SLC2A13: variants seen among roughly 807,000 people sequenced by gnomAD.
SLC2A13 encodes solute carrier family 2 member 13.
Under a neutral mutation model 64.4 loss-of-function variants are expected in SLC2A13, and 32 were observed. The ratio of observed to expected loss-of-function variants is 0.50; its 90% CI spans 0.37 to 0.67. The LOEUF is 0.67. Ranked by LOEUF, SLC2A13 falls within the 30% of genes least tolerant of loss-of-function variation. The pLI is 0.00. For missense variants in SLC2A13, 743 were observed against 829.2 expected, an observed-to-expected ratio of 0.90 and a Z score of 1.28; for synonymous variants, 338 against 327.1, an observed-to-expected ratio of 1.03 and a Z score of -0.36.
chr12:39,949,098 C>T (rs532369269), intron 4 of SLC2A13, among the ~76,000 whole-genome samples: 166 of 152,230 alleles, frequency 1.1e-3, no homozygotes, highest in Non-Finnish European at 1.3e-4. Context: ...AACAGTATTA[C>T]AGTGTATCAT....
At chr12:39,983,255 G>A (rs1415149579) in intron 3 of SLC2A13, among the ~76,000 whole-genome samples, 1 of 134,676 alleles carries the variant, frequency 7.4e-6, no homozygotes, top group Non-Finnish European at 1.6e-5. Flanking sequence ...TACCATTCAG[G>A]ACATAGGCGT....
intron 4 of SLC2A13, among the ~76,000 whole-genome samples, chr12:39,888,495 G>C (rs979500529): frequency 2.0e-5 from 3 of 152,212 alleles, no homozygotes; most frequent in African/African-American, 7.2e-5. Context: ...AAAGTGTTGG[G>C]ATTACAGGCT....
At position 39,983,050 on chromosome 12, in the gene SLC2A13, C is replaced by T. The variant is rs1263100049; in HGVS notation, c.926-31685G>A. ...ATACCTACAACTATCTGATCTTTGACAAACCTGAGAAAAACAAGCAATGGG... is the reference window on the plus strand; with the variant it reads ...ATACCTACAACTATCTGATCTTTGATAAACCTGAGAAAAACAAGCAATGGG... On this transcript the variant is annotated intron_variant, in intron 3 of 9. Transcript: ENST00000280871. Among the ~76,000 whole-genome samples the T allele has an allele frequency of 4.0e-5, 6 of 150,104 alleles. No homozygotes were observed. In the East Asian group the frequency reaches 1.0e-3, roughly 25 times the overall value.
intron 4 of SLC2A13, among the ~76,000 whole-genome samples, chr12:39,912,953 T>C (rs1174034126): frequency 6.6e-6 from 1 of 152,126 alleles, no homozygotes. Context: ...TAGGAAGAAG[T>C]ACTAGTGGCT....
At chr12:39,981,554 G>T (rs1250488726) in intron 3 of SLC2A13, among the ~76,000 whole-genome samples, 1 of 148,536 alleles carries the variant, frequency 6.7e-6, no homozygotes, top group East Asian at 2.0e-4. Context: ...ACACCTCTAC[G>T]CAAATAAACT....
intron 6 of SLC2A13, among the ~76,000 whole-genome samples, chr12:39,843,105 A>G (rs1943218381): frequency 6.6e-6 from 1 of 152,024 alleles, no homozygotes; most frequent in African/African-American, 2.4e-5. Flanking sequence ...TTGAGTAGAT[A>G]CGTGCTTTCA....
intron 4 of SLC2A13, among the ~76,000 whole-genome samples, chr12:39,916,819 A>G (rs1268476617): frequency 2.0e-4 from 1 of 5,040 alleles, no homozygotes; most frequent in Non-Finnish European, 0.011. Flanking sequence ...AAGGATTATC[A>G]TTTAAATAAA....
intron 6 of SLC2A13, among the ~76,000 whole-genome samples, chr12:39,857,136 C>A (rs1459412950): frequency 6.6e-6 from 1 of 152,136 alleles, no homozygotes; most frequent in African/African-American, 2.4e-5. Flanking sequence ...ATGTTTTTCC[C>A]CCTTTATCTT....
chr12:39,834,545 A>G (rs1942953565), intron 6 of SLC2A13, among the ~76,000 whole-genome samples: 1 of 152,094 alleles, frequency 6.6e-6, no homozygotes, highest in Non-Finnish European at 1.5e-5. Flanking sequence ...TTTTATTAAA[A>G]AAGCATGAAA....
intron 1 of SLC2A13, among the ~76,000 whole-genome samples, chr12:40,070,251 G>C (rs1937902503): frequency 1.3e-5 from 2 of 151,430 alleles, no homozygotes; most frequent in Admixed American, 6.6e-5. Flanking sequence ...TGCTTGATTT[G>C]GTAGATTTCT....
At chr12:40,027,683 G>A (rs1947837927) in intron 3 of SLC2A13, among the ~76,000 whole-genome samples, 1 of 152,314 alleles carries the variant, frequency 6.6e-6, no homozygotes, top group African/African-American at 2.4e-5. Flanking sequence ...AAGCGCAAGA[G>A]AAAATAAGAC....
chr12:39,940,369 T>C (rs559209896), intron 4 of SLC2A13, among the ~76,000 whole-genome samples: 1 of 152,288 alleles, frequency 6.6e-6, no homozygotes, highest in Non-Finnish European at 1.5e-5. Context: ...TATCACCATC[T>C]GACCATGTGT....
intron 3 of SLC2A13, among the ~76,000 whole-genome samples, chr12:39,968,760 G>GTA (rs56838055): frequency 8.7e-4 from 52 of 59,788 alleles, no homozygotes; most frequent in Non-Finnish European, 1.3e-3. Context: ...TTTTTTTTTG[G>GTA]TATATATATA....
At chr12:39,762,743 C>A (rs374551272) in intron 9 of SLC2A13, among the ~76,000 whole-genome samples, 1 of 151,864 alleles carries the variant, frequency 6.6e-6, no homozygotes, top group Non-Finnish European at 1.5e-5. Flanking sequence ...AAATGAGACA[C>A]AAAAAGGGAG....
Position 39,757,388 on chromosome 12 carries a change from G to A in SLC2A13, c.*2638C>T, listed in dbSNP as rs976492443. 26 of 151,734 alleles carry A rather than the reference G, an allele frequency of 1.7e-4. No homozygotes were observed. The highest frequency in any genetic ancestry group is 6.3e-4 in the African/African-American group (26 of 41,364). 9.4% of individuals were successfully genotyped at this position (151,734 alleles called of 1,614,324 possible). A position where few individuals can be genotyped will look rare whatever the true frequency, so the allele number is the denominator to read the frequency against. On this transcript the variant is annotated 3_prime_UTR_variant, in exon 10 of 10. Transcript: ENST00000280871. ...GATACTACAAATGGAATGTTTCCAA[G>A]TTGATAGTGGTAGCCAAATATGCTG...
At chr12:39,843,562 T>A (rs143656347) in intron 6 of SLC2A13, among the ~76,000 whole-genome samples, 1 of 152,064 alleles carries the variant, frequency 6.6e-6, no homozygotes, top group South Asian at 2.1e-4. Flanking sequence ...CAATTCCTTA[T>A]ATGAAGTTAG....
At chr12:39,940,831 C>T (rs1238264252) in intron 4 of SLC2A13, among the ~76,000 whole-genome samples, 2 of 151,776 alleles carry the variant, frequency 1.3e-5, no homozygotes. Context: ...GTATATACTG[C>T]ACCATATTTG....
rs545285583 is a variant in SLC2A13 at position 39,940,707 on chromosome 12, ATATTT to A, written c.1034+10545_1034+10549del. On this transcript the variant is annotated intron_variant, in intron 4 of 9. Transcript: ENST00000280871. ...TTTATTTAAAATATATAAACTTATAATATTTTATTTATTCGTTTTTCTATACATTA... is the reference window on the plus strand; with the variant it reads ...TTTATTTAAAATATATAAACTTATAATATTTATTCGTTTTTCTATACATTA... 3.2e-4 allele frequency among the ~76,000 whole-genome samples: 49 copies of A among 152,120 alleles called. No homozygotes were observed. In the South Asian group the frequency reaches 8.3e-3, roughly 26 times the overall value.
At chr12:40,061,391 C>A (rs560648811) in intron 1 of SLC2A13, among the ~76,000 whole-genome samples, 5 of 151,990 alleles carry the variant, frequency 3.3e-5, no homozygotes, top group African/African-American at 9.6e-5. Context: ...AAAGTCTAAA[C>A]AAAAGAAAGT....
Sources: gnomAD v4.1 joint callset for allele counts (sites outside exome capture counted in the v4.1 genomes callset) on GRCh38, gnomAD v4.1.1 for gene constraint, MANE v1.5 for transcripts, NCBI Gene and HGNC (gene_info 2026-07-23, HGNC 2026-07-21) for gene names.